Variants in P4HA1 observed in about 807,000 individuals in gnomAD.
The protein encoded by P4HA1 is prolyl 4-hydroxylase subunit alpha 1, also known as prolyl 4-hydroxylase subunit alpha-1.
P4HA1 carries 24 observed loss-of-function variants against 72.8 expected under a neutral mutation model. The ratio of observed to expected loss-of-function variants is 0.33; its 90% CI spans 0.24 to 0.46. P4HA1 has a LOEUF of 0.46. P4HA1 is among the 20% of genes least tolerant of loss of function. The pLI, the probability that P4HA1 is intolerant of heterozygous loss-of-function variation, is 1.00. For synonymous variants in P4HA1, 201 were observed against 218.8 expected (o/e 0.92, Z 0.72); for missense variants, 446 against 640.6 (o/e 0.70, Z 3.28).
chr10:73,092,375 G>C (rs1033167757), intron 1 of P4HA1, among the ~76,000 whole-genome samples: 8 of 137,104 alleles, frequency 5.8e-5, no homozygotes, highest in Non-Finnish European at 7.7e-5. Flanking sequence ...TTAGAGACAG[G>C]GTCTTGCACT....
intron 5 of P4HA1, 151 bp downstream of exon 5, chr10:73,068,695 G>C (rs1841481892): frequency 9.8e-6 from 6 of 612,124 alleles, no homozygotes; most frequent in Non-Finnish European, 1.7e-5. Context: ...CTAAGAGAAA[G>C]GGAAGGTGAT....
intron 1 of P4HA1, among the ~76,000 whole-genome samples, chr10:73,084,421 T>C (rs1841883844): frequency 6.6e-6 from 1 of 152,138 alleles, no homozygotes; most frequent in African/African-American, 2.4e-5. Context: ...GCTTCCTGAG[T>C]AGCTTGGACT....
At chr10:73,023,102 A>G (rs1046621733) in intron 10 of P4HA1, among the ~76,000 whole-genome samples, 31 of 152,208 alleles carry the variant, frequency 2.0e-4, no homozygotes, top group Admixed American at 1.9e-3. Context: ...AATTTCCCCA[A>G]CCTAGCAAGG....
intron 10 of P4HA1, among the ~76,000 whole-genome samples, chr10:73,021,700 G>T (rs1334329213): frequency 2.0e-5 from 3 of 152,216 alleles, no homozygotes; most frequent in African/African-American, 7.2e-5. Flanking sequence ...GCCTCACCCA[G>T]GAAGCACAAG....
chr10:73,081,910 G>T (rs922929128), intron 1 of P4HA1, among the ~76,000 whole-genome samples: 1 of 152,148 alleles, frequency 6.6e-6, no homozygotes, highest in Non-Finnish European at 1.5e-5. Flanking sequence ...CAGTAACTCA[G>T]GAGGCTGAGG....
chr10:73,093,923 CACACAT>C (rs1564641099), intron 1 of P4HA1, among the ~76,000 whole-genome samples: 2 of 120,344 alleles, frequency 1.7e-5, no homozygotes, highest in East Asian at 5.1e-4. Context: ...CACACACACA[CACACAT>C]ACTCATTTTA....
At chr10:73,086,933 CAAAA>C (rs59200288) in intron 1 of P4HA1, among the ~76,000 whole-genome samples, 11 of 33,098 alleles carry the variant, frequency 3.3e-4, no homozygotes, top group African/African-American at 6.7e-4. Context: ...GAGTGCATCT[CAAAA>C]AAAAAAAAAA....
chr10:73,022,150 G>C (rs1470177358), intron 10 of P4HA1, among the ~76,000 whole-genome samples: 2 of 152,210 alleles, frequency 1.3e-5, no homozygotes, highest in African/African-American at 2.4e-5. Context: ...GTTCTCCCAG[G>C]ATGGCATTTG....
intron 1 of P4HA1, among the ~76,000 whole-genome samples, chr10:73,092,511 C>T (rs1411324668): frequency 6.8e-6 from 1 of 147,948 alleles, no homozygotes; most frequent in Non-Finnish European, 1.5e-5. Flanking sequence ...ACCTCATGCC[C>T]CCTTAATTAA....
intron 10 of P4HA1, among the ~76,000 whole-genome samples, 193 bp from the exon 11 acceptor site, chr10:73,017,092 T>C (rs1589574235): frequency 6.6e-6 from 1 of 151,806 alleles, no homozygotes; most frequent in Non-Finnish European, 1.5e-5. Flanking sequence ...TATATATCTA[T>C]GTACAGATCT....
At chr10:73,072,212 T>A (rs768185231) in intron 3 of P4HA1, 32 bp from the exon 4 acceptor site, 3 of 1,552,306 alleles carry the variant, frequency 1.9e-6, no homozygotes, top group Non-Finnish European at 2.6e-6. Context: ...ACTGAATATT[T>A]ATATTTCATA....
At chr10:73,025,692 A>G (rs1840249547) in intron 10 of P4HA1, among the ~76,000 whole-genome samples, 1 of 152,164 alleles carries the variant, frequency 6.6e-6, no homozygotes. Context: ...TGCAGATGAC[A>G]TGATTGTATA....
At chr10:73,057,816 C>G (rs1841187413) in intron 5 of P4HA1, among the ~76,000 whole-genome samples, 2 of 151,922 alleles carry the variant, frequency 1.3e-5, no homozygotes, top group South Asian at 2.1e-4. Flanking sequence ...AAGAAAAGGG[C>G]TGGGCACAGT....
At chr10:73,010,915 A>G (rs893368079) in intron 13 of P4HA1, 54 bp downstream of exon 13, 15 of 1,265,396 alleles carry the variant, frequency 1.2e-5, no homozygotes, top group Middle Eastern at 1.9e-4. Flanking sequence ...ATACAAGTGC[A>G]TCTCTTCCTT....
chr10:73,046,980 T>C lies in P4HA1; in HGVS notation c.1022A>G (p.His341Arg). The C allele has an allele frequency of 1.9e-6, 3 of 1,613,302 alleles. No individual in the cohort carries two copies. Among genetic ancestry groups the C allele is most frequent in the Non-Finnish European group, 2.5e-6 (3 of 1,179,360 alleles). ...EWDKPRIIRFHDIISDAEIEI... is the reference protein window; with the variant it reads ...EWDKPRIIRFRDIISDAEIEI... ...AATTTCTGCATCAGAAATAATATCATGGAAGCGAATAATACGAGGCTTGTC... is the reference window on the plus strand; with the variant it reads ...AATTTCTGCATCAGAAATAATATCACGGAAGCGAATAATACGAGGCTTGTC... The change falls in exon 8 of 15, where the codon CAT becomes CGT. Residue 341 changes from histidine (H) to arginine (R), a missense_variant. Physicochemically the swap from His to Arg is conservative, Grantham distance 29. Transcript: ENST00000394890.
intron 1 of P4HA1, among the ~76,000 whole-genome samples, chr10:73,091,796 A>G (rs1842037476): frequency 6.6e-6 from 1 of 152,236 alleles, no homozygotes; most frequent in Non-Finnish European, 1.5e-5. Context: ...CCAAATTCTC[A>G]TATGTACCTA....
chr10:73,041,545 C>G (rs913375479), intron 9 of P4HA1, among the ~76,000 whole-genome samples: 34 of 137,030 alleles, frequency 2.5e-4, no homozygotes, highest in Non-Finnish European at 4.5e-4. Context: ...TCCATCCCCC[C>G]CCCAAAAAAA....
At chr10:73,057,872 T>G (rs917856159) in intron 5 of P4HA1, among the ~76,000 whole-genome samples, 3 of 151,580 alleles carry the variant, frequency 2.0e-5, no homozygotes, top group Non-Finnish European at 4.4e-5. Flanking sequence ...GACGGACTAC[T>G]TGAGCTCAGG....
chr10:73,017,517 G>A (rs1393302844), intron 10 of P4HA1, among the ~76,000 whole-genome samples: 3 of 152,062 alleles, frequency 2.0e-5, no homozygotes, highest in Non-Finnish European at 2.9e-5. Context: ...TAAAATTTGA[G>A]ATTTCTATTA....
Sources: allele counts gnomAD v4.1 joint callset (sites outside exome capture counted in the v4.1 genomes callset), GRCh38; gene constraint gnomAD v4.1.1; transcripts MANE v1.5; gene names NCBI Gene and HGNC (gene_info 2026-07-23, HGNC 2026-07-21).